The following PCSK5 variants were observed in gnomAD, a reference collection of about 807,000 sequenced individuals.
PCSK5 encodes the protein prohormone convertase 5.
A neutral mutation model predicts 233.2 loss-of-function variants in PCSK5; 129 were observed. The observed-to-expected ratio is 0.55, with a 90% CI of 0.48 to 0.64. PCSK5 has a LOEUF of 0.64. PCSK5 is among the 30% of genes least tolerant of loss of function. The pLI is 0.00. For synonymous variants in PCSK5, 825 were observed against 879.2 expected (o/e 0.94, Z 1.09); for missense variants, 2,076 against 2,430.1 (o/e 0.85, Z 3.06).
chr9:75,898,015 C>T lies in PCSK5; in HGVS notation c.192+6642C>T, dbSNP rs182627020. On this transcript the variant is annotated intron_variant, in intron 1 of 37. Transcript: ENST00000674117. ...TGTTAGTTTAAACAGATTCACATGC[C>T]TTTATATGCCTTTCTGAAAACAGCT... Among the ~76,000 whole-genome samples, 3 of 152,298 alleles carry T rather than the reference C, an allele frequency of 2.0e-5. No homozygotes were observed. In the East Asian group the frequency reaches 5.8e-4, roughly 29 times the overall value.
chr9:76,256,413 A>G (rs2131352312), intron 24 of PCSK5, among the ~76,000 whole-genome samples: 1 of 152,340 alleles, frequency 6.6e-6, no homozygotes, highest in Admixed American at 6.5e-5. Flanking sequence ...TCGTTAAACA[A>G]AAGCGGAGTG....
At chr9:76,035,749 C>CT (rs1239237739) in intron 5 of PCSK5, among the ~76,000 whole-genome samples, 4 of 152,138 alleles carry the variant, frequency 2.6e-5, no homozygotes, top group Non-Finnish European at 4.4e-5. Flanking sequence ...TTAGCTTTCT[C>CT]TTTTAATCTT....
At chr9:76,244,534 T>A (rs977420194) in intron 24 of PCSK5, among the ~76,000 whole-genome samples, 3 of 151,310 alleles carry the variant, frequency 2.0e-5, no homozygotes, top group Non-Finnish European at 4.4e-5. Flanking sequence ...ATCTACATTA[T>A]GTAATAATTA....
Position 76,239,042 on chromosome 9 carries a change from A to C in PCSK5, c.2950A>C (p.Thr984Pro), listed in dbSNP as rs754839718. 6 of 1,611,430 alleles carry C rather than the reference A, an allele frequency of 3.7e-6. No homozygotes were observed. The South Asian group carries it at 4.4e-5, about 12-fold the overall frequency. Reference protein sequence around the residue: ...PEGHYATEGNTCLPCPDNCEL... With the variant: ...PEGHYATEGNPCLPCPDNCEL... ...GGGCCACTATGCCACTGAGGGGAAC[A>C]CCTGCCTGCCCTGCCCAGACAACTG... The change falls in exon 23 of 38, where the codon ACC becomes CCC. Residue 984 changes from threonine (T) to proline (P), a missense_variant. Thr to Pro is a conservative substitution (Grantham distance 38). Around this residue, in one of 6 missense-constraint regions of PCSK5, gnomAD observed 1,510 missense variants for 1,538.1 expected, o/e 0.98. Coordinates refer to ENST00000674117, the MANE Select transcript of PCSK5 (RefSeq NM_001372043.1).
At chr9:76,168,954 T>C (rs1196348925) in intron 12 of PCSK5, among the ~76,000 whole-genome samples, 1 of 152,230 alleles carries the variant, frequency 6.6e-6, no homozygotes, top group Non-Finnish European at 1.5e-5. Context: ...AATTGAATCA[T>C]GCAGTATGTA....
Position 76,287,748 on chromosome 9 carries a change from C to T in PCSK5, c.3143-4485C>T, listed in dbSNP as rs549631116. 6.7e-5 allele frequency: 11 copies of T among 164,416 alleles called. No homozygotes were observed. In the South Asian group the frequency reaches 1.6e-3, roughly 23 times the overall value. 10.2% of individuals were successfully genotyped at this position (164,416 alleles called of 1,614,324 possible). A position where few individuals can be genotyped will look rare whatever the true frequency, so the allele number is the denominator to read the frequency against. On this transcript the variant is annotated intron_variant, in intron 24 of 37. Coordinates refer to ENST00000674117, the MANE Select transcript of PCSK5 (RefSeq NM_001372043.1). ...TGCTGGGATTACAGGCATGAGCCAC[C>T]GCGCCCGGCCAGCATGTCCTCTTTT... is the stretch of plus-strand genomic sequence containing the variant.
intron 2 of PCSK5, among the ~76,000 whole-genome samples, chr9:75,952,480 T>C (rs1824905278): frequency 6.6e-6 from 1 of 152,208 alleles, no homozygotes; most frequent in Non-Finnish European, 1.5e-5. Flanking sequence ...TTATATATGG[T>C]AACATTTATC....
At chr9:76,129,622 G>C (rs1587665144) in intron 9 of PCSK5, among the ~76,000 whole-genome samples, 1 of 151,982 alleles carries the variant, frequency 6.6e-6, no homozygotes, top group East Asian at 1.9e-4. Context: ...ATTTCAAATT[G>C]GTCCTTGTTT....
chr9:76,206,929 G>C (rs1440608571), intron 20 of PCSK5, among the ~76,000 whole-genome samples: 1 of 152,120 alleles, frequency 6.6e-6, no homozygotes, highest in Non-Finnish European at 1.5e-5. Flanking sequence ...TTTCAGTAGG[G>C]CCACCCTACC....
intron 36 of PCSK5, among the ~76,000 whole-genome samples, chr9:76,351,636 GAA>G (rs1830167126): frequency 7.4e-6 from 1 of 135,620 alleles, no homozygotes. Context: ...GAAAGAGAGA[GAA>G]AGAAGAAAGA....
At chr9:76,140,548 A>C (rs1420426160) in intron 10 of PCSK5, among the ~76,000 whole-genome samples, 1 of 151,900 alleles carries the variant, frequency 6.6e-6, no homozygotes, top group Non-Finnish European at 1.5e-5. Context: ...TGTGAATTAG[A>C]ATTTTTTGGG....
At chr9:75,926,845 A>T (rs4745469) in intron 1 of PCSK5, among the ~76,000 whole-genome samples, 87,450 of 152,076 alleles carry the variant, frequency 0.58, 26,854 homozygotes, top group African/African-American at 0.77. Context: ...TGAAAATAAG[A>T]TATGGTACAT....
At chr9:75,956,212 A>G (rs1371139576) in intron 2 of PCSK5, among the ~76,000 whole-genome samples, 1 of 152,216 alleles carries the variant, frequency 6.6e-6, no homozygotes, top group African/African-American at 2.4e-5. Flanking sequence ...TGGCCTTGGC[A>G]TACTTTGCAA....
intron 21 of PCSK5, 44 bp downstream of exon 21, chr9:76,227,649 T>C (rs1374904275): frequency 1.6e-6 from 2 of 1,288,836 alleles, no homozygotes; most frequent in South Asian, 1.2e-5. Flanking sequence ...AGCTCATGGA[T>C]TGCAGGGTGG....
At chr9:75,933,529 CCT>C (rs769115421) in intron 2 of PCSK5, among the ~76,000 whole-genome samples, 5 of 152,142 alleles carry the variant, frequency 3.3e-5, no homozygotes, top group South Asian at 2.1e-4. Flanking sequence ...CAAAAAGGCC[CCT>C]GTTTGAATTA....
intron 5 of PCSK5, among the ~76,000 whole-genome samples, chr9:76,056,203 AC>A: frequency 6.6e-6 from 1 of 152,160 alleles, no homozygotes; most frequent in Non-Finnish European, 1.5e-5. Context: ...TTGCTTGATA[AC>A]CTATATGTAT....
intron 27 of PCSK5, 99 bp from the exon 28 acceptor site, chr9:76,302,038 A>T (rs1490138157): frequency 2.2e-6 from 1 of 457,320 alleles, no homozygotes; most frequent in Admixed American, 3.5e-5. Context: ...CAGTATACAC[A>T]GCAGACATTT....
At chr9:76,245,594 T>A (rs766923203) in intron 24 of PCSK5, among the ~76,000 whole-genome samples, 4 of 152,108 alleles carry the variant, frequency 2.6e-5, no homozygotes, top group Admixed American at 6.5e-5. Flanking sequence ...CTGCTATGGA[T>A]TTTGAGACAC....
intron 24 of PCSK5, among the ~76,000 whole-genome samples, chr9:76,243,509 T>C (rs1257524643): frequency 6.6e-6 from 1 of 152,230 alleles, no homozygotes; most frequent in Non-Finnish European, 1.5e-5. Context: ...CTGTATGTAT[T>C]GGGCCTCATT....
Sources: allele counts gnomAD v4.1 joint callset (sites outside exome capture counted in the v4.1 genomes callset), GRCh38; gene constraint gnomAD v4.1.1; regional missense constraint gnomAD v4.1.1; transcripts MANE v1.5; gene names NCBI Gene and HGNC (gene_info 2026-07-23, HGNC 2026-07-21).